Variants in GRM1 observed in about 807,000 individuals in gnomAD.
The protein encoded by GRM1 is glutamate metabotropic receptor 1.
A neutral mutation model predicts 90.9 loss-of-function variants in GRM1; 33 were observed. That is an observed-to-expected ratio of 0.36 (90% CI 0.28 to 0.49). GRM1 has a LOEUF of 0.49. GRM1 is among the 20% of genes least tolerant of loss of function. The pLI, the probability that GRM1 is intolerant of heterozygous loss-of-function variation, is 0.99. For missense variants in GRM1, 1,190 were observed against 1,534.3 expected (o/e 0.78, Z 3.75); for synonymous variants, 700 against 613.2 (o/e 1.14, Z -2.09).
intron 2 of GRM1, among the ~76,000 whole-genome samples, chr6:146,280,906 G>A (rs1782543019): frequency 6.6e-6 from 1 of 152,014 alleles, no homozygotes; most frequent in Non-Finnish European, 1.5e-5. Flanking sequence ...TGGGATCATA[G>A]ACATGAGCCA....
intron 2 of GRM1, among the ~76,000 whole-genome samples, chr6:146,208,349 T>C (rs1779565280): frequency 6.6e-6 from 1 of 152,160 alleles, no homozygotes; most frequent in South Asian, 2.1e-4. Flanking sequence ...AAAAAATGTA[T>C]ATTTTTTTCT....
At chr6:146,373,744 A>C (rs932596126) in intron 5 of GRM1, among the ~76,000 whole-genome samples, 3 of 152,164 alleles carry the variant, frequency 2.0e-5, no homozygotes, top group Admixed American at 2.0e-4. Context: ...TTGGTATATA[A>C]GTTCTAATAG....
At chr6:146,267,702 G>GCTCGTCTCGTCTCGT (rs1185232840) in intron 2 of GRM1, among the ~76,000 whole-genome samples, 274 of 86,090 alleles carry the variant, frequency 3.2e-3, no homozygotes, top group East Asian at 4.2e-3. Context: ...GCTCGGCTCG[G>GCTCGTCTCGTCTCGT]CTCGTCTCGT....
At chr6:146,339,921 A>G (rs531685410) in intron 3 of GRM1, among the ~76,000 whole-genome samples, 2 of 152,296 alleles carry the variant, frequency 1.3e-5, no homozygotes, top group African/African-American at 4.8e-5. Flanking sequence ...TTAAACTGCA[A>G]CATCCCTTGG....
intron 7 of GRM1, among the ~76,000 whole-genome samples, chr6:146,414,127 C>G (rs1246267944): frequency 6.6e-6 from 1 of 152,068 alleles, no homozygotes; most frequent in Non-Finnish European, 1.5e-5. Context: ...AATTGCCAAA[C>G]AAATTTACAC....
chr6:146,246,828 G>A (rs1207326519), intron 2 of GRM1, among the ~76,000 whole-genome samples: 3 of 152,170 alleles, frequency 2.0e-5, no homozygotes, highest in South Asian at 4.1e-4. Context: ...TGAGCTAACA[G>A]GTGAAAATGG....
intron 1 of GRM1, among the ~76,000 whole-genome samples, chr6:146,098,845 A>T (rs1582999424): frequency 6.6e-6 from 1 of 151,572 alleles, no homozygotes; most frequent in Non-Finnish European, 1.5e-5. Flanking sequence ...TGAAGAAGGG[A>T]TTGTTTGTTT....
chr6:146,250,887 G>A (rs906276457), intron 2 of GRM1, among the ~76,000 whole-genome samples: 1 of 152,150 alleles, frequency 6.6e-6, no homozygotes, highest in African/African-American at 2.4e-5. Context: ...ATTACATAAA[G>A]GTGAGAAAAA....
At chr6:146,351,178 C>T (rs1206278029) in intron 3 of GRM1, among the ~76,000 whole-genome samples, 2 of 152,142 alleles carry the variant, frequency 1.3e-5, no homozygotes, top group Non-Finnish European at 2.9e-5. Context: ...CAAAGGGCAG[C>T]TGGCAGGGAG....
intron 1 of GRM1, among the ~76,000 whole-genome samples, chr6:146,091,736 C>T (rs1240861437): frequency 6.6e-6 from 1 of 152,046 alleles, no homozygotes; most frequent in Admixed American, 6.6e-5. Context: ...AGCAGTTTGT[C>T]ATGAAGAATT....
intron 2 of GRM1, 95 bp downstream of exon 2, chr6:146,159,692 C>G: frequency 8.1e-7 from 1 of 1,240,320 alleles, no homozygotes. Context: ...CTTGCTTTCA[C>G]AAAACTAGAC....
At chr6:146,034,184 C>T (rs907137483) in intron 1 of GRM1, among the ~76,000 whole-genome samples, 1 of 152,028 alleles carries the variant, frequency 6.6e-6, no homozygotes, top group African/African-American at 2.4e-5. Context: ...GACTTTTAGT[C>T]AGTTCTTCTA....
rs778586256 is a variant in GRM1 at position 146,029,476 on chromosome 6, T to C, written c.-42T>C. ...CCGGGAGCCTGCAGCGGGACCAGCGTGGGAACGCGGCTGGCAGGCTGTGGA... is the reference window on the plus strand; with the variant it reads ...CCGGGAGCCTGCAGCGGGACCAGCGCGGGAACGCGGCTGGCAGGCTGTGGA... On this transcript the variant is annotated 5_prime_UTR_variant, in exon 1 of 8. Transcript: ENST00000282753. The C allele has an allele frequency of 6.7e-7, 1 of 1,500,302 alleles. No individual in the cohort carries two copies. Among genetic ancestry groups the C allele is most frequent in the South Asian group, 1.1e-5 (1 of 88,730 alleles). 92.9% of individuals were successfully genotyped at this position (1,500,302 alleles called of 1,614,324 possible).
intron 2 of GRM1, among the ~76,000 whole-genome samples, chr6:146,167,395 G>A (rs1287310139): frequency 6.6e-6 from 1 of 151,992 alleles, no homozygotes; most frequent in African/African-American, 2.4e-5. Context: ...ATTCTCTTTA[G>A]GAACTATCTA....
At chr6:146,370,683 C>T (rs1489416301) in intron 5 of GRM1, among the ~76,000 whole-genome samples, 2 of 151,900 alleles carry the variant, frequency 1.3e-5, no homozygotes. Context: ...AATTTTGGCT[C>T]TCAGAATAAT....
chr6:146,079,988 C>A (rs974230376), intron 1 of GRM1, among the ~76,000 whole-genome samples: 2 of 152,178 alleles, frequency 1.3e-5, no homozygotes, highest in Admixed American at 6.5e-5. Context: ...TTTCAGAATT[C>A]TTCACTATAG....
At chr6:146,413,390 T>TGCTCTC (rs1777639520) in intron 7 of GRM1, among the ~76,000 whole-genome samples, 1 of 152,148 alleles carries the variant, frequency 6.6e-6, no homozygotes, top group South Asian at 2.1e-4. Flanking sequence ...AGAAATGTAA[T>TGCTCTC]GCTCTCTTTT....
intron 1 of GRM1, among the ~76,000 whole-genome samples, chr6:146,047,306 T>C (rs530826494): frequency 7.9e-6 from 1 of 126,230 alleles, no homozygotes; most frequent in African/African-American, 2.7e-5. Flanking sequence ...TTCCTCCTTG[T>C]AGCATTTGTG....
chr6:146,184,128 T>C (rs934403611), intron 2 of GRM1, among the ~76,000 whole-genome samples: 2 of 152,052 alleles, frequency 1.3e-5, no homozygotes, highest in African/African-American at 4.8e-5. Context: ...TAAAAAAAGG[T>C]TTAACAGTAT....
Sources: allele counts gnomAD v4.1 joint callset (sites outside exome capture counted in the v4.1 genomes callset), GRCh38; gene constraint gnomAD v4.1.1; transcripts MANE v1.5; gene names NCBI Gene and HGNC (gene_info 2026-07-23, HGNC 2026-07-21).